Variants in TAF1 observed in about 807,000 individuals in gnomAD.
The protein encoded by TAF1 is transcription initiation factor TFIID subunit 1.
Under a neutral mutation model 138.5 loss-of-function variants are expected in TAF1, and 2 were observed. The ratio of observed to expected loss-of-function variants is 0.01; its 90% CI spans 0.01 to 0.05. The LOEUF is 0.05. Ranked by LOEUF, TAF1 falls within the 10% of genes least tolerant of loss-of-function variation. TAF1 has a pLI of 1.00. For synonymous variants in TAF1, 437 were observed against 503.2 expected, an observed-to-expected ratio of 0.87 and a Z score of 1.76; for missense variants, 709 against 1,478.0, an observed-to-expected ratio of 0.48 and a Z score of 8.53.
At chrX:71,440,018 A>G (rs1036695881) in intron 32 of TAF1, among the ~76,000 whole-genome samples, 10 of 111,280 alleles carry the variant, frequency 9.0e-5, no homozygotes, top group African/African-American at 3.3e-4. Context: ...TGTTCCTGTA[A>G]CCACCACCAC....
At chrX:71,471,910 G>A (rs2038897355) in intron 13 of TAF1, among the ~76,000 whole-genome samples, 1 of 112,040 alleles carries the variant, frequency 8.9e-6, no homozygotes, top group Non-Finnish European at 1.9e-5. Context: ...ACACTCCTAT[G>A]CAAACCTCTG....
In TAF1 at chrX:71,477,791, C is replaced by T. The variant is rs760434617; in HGVS notation, c.1366+16988C>T. 4.8e-3 allele frequency among the ~76,000 whole-genome samples: 535 copies of T among 110,980 alleles called. 1 individual carries two copies. Among genetic ancestry groups the T allele is most frequent in the African/African-American group, 0.016 (504 of 30,553 alleles). On this transcript the variant is annotated intron_variant and NMD_transcript_variant, in intron 13 of 14. Transcript: ENST00000373775. ...GGTGGATCACTCGAGGTCAGGAGTT[C>T]GAGACCAGCCTGACCAACATGGTGA...
At chrX:71,470,937 T>G (rs1797151510), downstream of TAF1, among the ~76,000 whole-genome samples, 1 of 109,418 alleles carries the variant, frequency 9.1e-6, no homozygotes, top group Non-Finnish European at 1.9e-5. Context: ...GAGGATTGCT[T>G]AAGCCCAGGA....
chrX:71,377,486 T>A (rs1259487234), intron 5 of TAF1, 117 bp from the exon 6 acceptor site: 4 of 912,148 alleles, frequency 4.4e-6, no homozygotes, highest in Non-Finnish European at 6.0e-6. Context: ...AATGCGACAC[T>A]CCTTTGTTTC....
chrX:71,378,501 A>C (rs2033642626), intron 7 of TAF1, 48 bp downstream of exon 7: 1 of 1,177,593 alleles, frequency 8.5e-7, no homozygotes, highest in Non-Finnish European at 1.2e-6. Flanking sequence ...CTCAGGTCCT[A>C]TTACTTTTAC....
At chrX:71,487,427 G>A (rs1168930668) in intron 13 of TAF1, among the ~76,000 whole-genome samples, 2 of 103,355 alleles carry the variant, frequency 1.9e-5, no homozygotes, top group African/African-American at 7.2e-5. Flanking sequence ...GGGTTCAAAC[G>A]ATTCTCCTGC....
Position 71,406,731 on chromosome X carries a change from C to T in TAF1, c.4092C>T (p.His1364=), listed in dbSNP as rs2035491279. The stretch of plus-strand genomic sequence containing the variant: ...AACGGCGAGTTGGAACCACTGTTCA[C>T]TGTGACTATTTGAATGTGAGTATGT... ...KKKRRVGTTV[H]CDYLNRPHKS... The change falls in exon 26 of 38, where the codon CAC becomes CAT. Residue 1364 remains histidine, a synonymous_variant. Coordinates refer to ENST00000423759, the MANE Select transcript of TAF1 (RefSeq NM_004606.5). 8.3e-7 allele frequency: 1 copy of T among 1,205,835 alleles called. No individual in the cohort carries two copies. Among genetic ancestry groups the T allele is most frequent in the Non-Finnish European group, 1.1e-6 (1 of 892,411 alleles).
intron 8 of TAF1, among the ~76,000 whole-genome samples, chrX:71,380,294 T>G (rs2033797057): frequency 8.9e-6 from 1 of 111,747 alleles, no homozygotes; most frequent in Non-Finnish European, 1.9e-5. Context: ...ACTCAAGTGA[T>G]CTTCCTGCCT....
At position 71,486,549 on chromosome X, in the gene TAF1, CAG is replaced by C. The variant is rs758752500; in HGVS notation, c.1366+25747_1366+25748del. On this transcript the variant is annotated intron_variant and NMD_transcript_variant, in intron 13 of 14. Coordinates refer to the TAF1 transcript ENST00000373775. ...TTTTTTTTTTTTTTTTCTGTAGAGA[CAG>C]GGGTCTCACCATGTTTCCCAGGCAG... Among the ~76,000 whole-genome samples the C allele has an allele frequency of 2.3e-3, 233 of 99,889 alleles. 1 individual carries two copies. Among genetic ancestry groups the C allele is most frequent in the Middle Eastern group, 4.9e-3 (1 of 204 alleles). The allele number at this position is 99,889 out of a possible 115,157, so 86.7% of individuals were successfully genotyped here. A position where few individuals can be genotyped will look rare whatever the true frequency, so the allele number is the denominator to read the frequency against.
chrX:71,441,448 A>C (rs1239306787), intron 32 of TAF1, among the ~76,000 whole-genome samples: 1 of 111,073 alleles, frequency 9.0e-6, no homozygotes, highest in East Asian at 2.8e-4. Context: ...AATTGATAGC[A>C]ATTGTACATA....
intron 13 of TAF1, among the ~76,000 whole-genome samples, chrX:71,509,361 C>G (rs2039692041): frequency 9.0e-6 from 1 of 111,076 alleles, no homozygotes; most frequent in South Asian, 3.8e-4. Flanking sequence ...AGGTCAGAAT[C>G]AAGAAATGCT....
intron 32 of TAF1, among the ~76,000 whole-genome samples, chrX:71,429,798 T>C (rs1311480229): frequency 6.3e-5 from 7 of 110,542 alleles, no homozygotes; most frequent in Non-Finnish European, 1.3e-4. Context: ...TAGAGATACT[T>C]AGGAGGTAGA....
intron 14 of TAF1, chrX:71,528,856 G>A (rs2040049130): frequency 4.0e-6 from 1 of 250,005 alleles, no homozygotes; most frequent in Non-Finnish European, 7.5e-6. Context: ...AGTGGGGCTG[G>A]GGGCGGCCAG....
At chrX:71,528,038 T>C (rs1489311991) in intron 13 of TAF1, 1 of 190,153 alleles carries the variant, frequency 5.3e-6, no homozygotes, top group Non-Finnish European at 1.0e-5. Context: ...GAGTCCCTGG[T>C]TGAATGTTCA....
chrX:71,379,336 G>A (rs1331481190), intron 8 of TAF1, among the ~76,000 whole-genome samples: 1 of 108,169 alleles, frequency 9.2e-6, no homozygotes, highest in Non-Finnish European at 1.9e-5. Flanking sequence ...GGCAGGTCTC[G>A]AACTCCCGAC....
rs1400150015 is a variant in TAF1, at chrX:71,384,183, T to C, written c.2121+48T>C. The C allele has an allele frequency of 4.2e-6, 5 of 1,181,080 alleles. No homozygotes were observed. The South Asian group carries it at 9.4e-5, about 22-fold the overall frequency. ...TTTTTCCCATACATAATTCTGCTTA[T>C]GCTTCCATAAACTTTTATGTACAAA... On this transcript the variant is annotated intron_variant, in intron 13 of 37. Coordinates refer to ENST00000423759, the MANE Select transcript of TAF1 (RefSeq NM_004606.5).
At chrX:71,373,704 T>C (rs2033262858) in intron 3 of TAF1, among the ~76,000 whole-genome samples, 1 of 111,326 alleles carries the variant, frequency 9.0e-6, no homozygotes. Flanking sequence ...AGGAGGTAAA[T>C]TAGGGCCGCA....
intron 13 of TAF1, among the ~76,000 whole-genome samples, chrX:71,518,692 C>CTTTTTTTTTTT (rs41486346): frequency 5.1e-5 from 4 of 79,198 alleles, no homozygotes; most frequent in Admixed American, 1.4e-4. Flanking sequence ...TCTTTTCTTT[C>CTTTTTTTTTTT]TTTTTTTTTT....
rs529303720 is a variant in TAF1, at chrX:71,453,261, T to C, written c.4754-909T>C. On this transcript the variant is annotated intron_variant, in intron 32 of 37. Transcript: ENST00000423759. ...CACATACATACAGCCTCCCCAGTTATCAACATCTTGCACCAGGCTGGGCGT... is the reference window on the plus strand; with the variant it reads ...CACATACATACAGCCTCCCCAGTTACCAACATCTTGCACCAGGCTGGGCGT... Among the ~76,000 whole-genome samples, 15 of 111,289 alleles carry C rather than the reference T, an allele frequency of 1.3e-4. No homozygotes were observed. The South Asian group carries it at 5.7e-3, about 42-fold the overall frequency.
Sources: allele counts gnomAD v4.1 joint callset (sites outside exome capture counted in the v4.1 genomes callset), GRCh38; gene constraint gnomAD v4.1.1; transcripts MANE v1.5; gene names NCBI Gene and HGNC (gene_info 2026-07-23, HGNC 2026-07-21).